THSD4: variants seen among roughly 807,000 people sequenced by gnomAD.
The protein encoded by THSD4 is thrombospondin type 1 domain containing 4.
In THSD4, 69 loss-of-function variants were observed where a neutral mutation model predicts 119.0. The observed-to-expected ratio is 0.58, with a 90% CI of 0.48 to 0.71. The LOEUF (loss-of-function observed/expected upper bound fraction) is 0.71. THSD4 is among the 30% of genes least tolerant of loss of function. The pLI is 0.00. For synonymous variants in THSD4, 524 were observed against 540.4 expected (o/e 0.97, Z 0.42); for missense variants, 1,393 against 1,391.1 (o/e 1.00, Z -0.02).
At chr15:71,331,234 G>A (rs1056114246) in intron 6 of THSD4, among the ~76,000 whole-genome samples, 5 of 152,154 alleles carry the variant, frequency 3.3e-5, no homozygotes, top group African/African-American at 1.2e-4. Context: ...GCCCTTCCTC[G>A]TACTTCTTCT....
At chr15:71,567,655 C>T (rs1328656027) in intron 7 of THSD4, among the ~76,000 whole-genome samples, 3 of 150,600 alleles carry the variant, frequency 2.0e-5, no homozygotes, top group South Asian at 2.1e-4. Flanking sequence ...TAGCAAACTG[C>T]CTTCAGGAGC....
intron 8 of THSD4, among the ~76,000 whole-genome samples, chr15:71,717,884 T>TA (rs2141105892): frequency 6.6e-6 from 1 of 152,238 alleles, no homozygotes; most frequent in East Asian, 1.9e-4. Context: ...CGCAGTGGCT[T>TA]ATGCCTGTAA....
intron 7 of THSD4, among the ~76,000 whole-genome samples, chr15:71,458,398 C>G (rs2047369506): frequency 6.6e-6 from 1 of 152,172 alleles, no homozygotes; most frequent in Non-Finnish European, 1.5e-5. Flanking sequence ...TCAAAGGCAA[C>G]ATACTTCCCT....
chr15:71,521,838 C>T (rs1162150969), intron 7 of THSD4, among the ~76,000 whole-genome samples: 3 of 152,154 alleles, frequency 2.0e-5, no homozygotes, highest in Admixed American at 6.5e-5. Context: ...GTGCCTACTG[C>T]GTTTCAGACT....
At chr15:71,747,643 A>G (rs1468948277) in intron 13 of THSD4, among the ~76,000 whole-genome samples, 1 of 152,250 alleles carries the variant, frequency 6.6e-6, no homozygotes, top group Admixed American at 6.5e-5. Flanking sequence ...CACTGGCTAC[A>G]GATGACGACA....
intron 7 of THSD4, among the ~76,000 whole-genome samples, chr15:71,598,431 A>C (rs1206006791): frequency 1.3e-5 from 2 of 152,148 alleles, no homozygotes. Context: ...GGTATACGTG[A>C]TATCAAGTAT....
At chr15:71,509,530 G>A (rs969642208) in intron 7 of THSD4, among the ~76,000 whole-genome samples, 1 of 152,184 alleles carries the variant, frequency 6.6e-6, no homozygotes. Context: ...GTTATACAAT[G>A]GTAGATGAGC....
At chr15:71,214,137 A>C (rs1319438202) in intron 3 of THSD4, among the ~76,000 whole-genome samples, 4 of 152,168 alleles carry the variant, frequency 2.6e-5, no homozygotes, top group African/African-American at 9.7e-5. Flanking sequence ...AGAGGATTGT[A>C]TATGCACCAA....
intron 6 of THSD4, among the ~76,000 whole-genome samples, chr15:71,374,654 A>G (rs1352565897): frequency 6.6e-6 from 1 of 152,196 alleles, no homozygotes; most frequent in African/African-American, 2.4e-5. Flanking sequence ...GAGGGTGAGC[A>G]ATGGCCCTGA....
intron 15 of THSD4, among the ~76,000 whole-genome samples, chr15:71,763,083 T>C (rs965146189): frequency 1.3e-5 from 2 of 151,970 alleles, no homozygotes; most frequent in South Asian, 4.1e-4. Context: ...AAAAAAAATT[T>C]TTTTTTAGTA....
intron 7 of THSD4, among the ~76,000 whole-genome samples, chr15:71,587,787 T>TCAA: frequency 9.5e-6 from 1 of 105,554 alleles, no homozygotes; most frequent in Non-Finnish European, 1.9e-5. Context: ...AAAAAAAAAT[T>TCAA]AAAAAAAAAA....
At chr15:71,700,074 A>G (rs2052253385) in intron 8 of THSD4, among the ~76,000 whole-genome samples, 1 of 152,224 alleles carries the variant, frequency 6.6e-6, no homozygotes, top group Non-Finnish European at 1.5e-5. Flanking sequence ...ACTCAATATC[A>G]CTATGAAGGT....
At chr15:71,608,237 A>AAATAT (rs537013275) in intron 7 of THSD4, among the ~76,000 whole-genome samples, 2,694 of 111,426 alleles carry the variant, frequency 0.024, 84 homozygotes, top group East Asian at 0.13. Flanking sequence ...AAAAAAAAAA[A>AAATAT]ATATATATAT....
At chr15:71,288,194 T>G (rs2044743923) in intron 6 of THSD4, among the ~76,000 whole-genome samples, 1 of 152,130 alleles carries the variant, frequency 6.6e-6, no homozygotes, top group Admixed American at 6.5e-5. Flanking sequence ...AATGAACCAG[T>G]CCACAGTAAA....
Position 71,563,402 on chromosome 15 carries a change from T to C in THSD4, c.1153-97128T>C, listed in dbSNP as rs117712608. Among the ~76,000 whole-genome samples, 79 of 152,250 alleles carry C rather than the reference T, an allele frequency of 5.2e-4. No homozygotes were observed. In the East Asian group the frequency reaches 0.015, roughly 29 times the overall value. On this transcript the variant is annotated intron_variant, in intron 7 of 17. Transcript: ENST00000261862. ...GCTCTGAAAACCTATCCAAAGGCAA[T>C]TAAAATCACAAATATCATTGAAAAC...
Position 71,763,864 on chromosome 15 carries a change from A to G in THSD4, c.2590-1156A>G, listed in dbSNP as rs570195129. ...CAGATCATTTGGGTTCAGGAGTTCA[A>G]GACCAGCCTGGGCAACATGGCAAAA... On this transcript the variant is annotated intron_variant, in intron 15 of 17. Coordinates refer to ENST00000261862, the MANE Select transcript of THSD4 (RefSeq NM_024817.3). Among the ~76,000 whole-genome samples the G allele has an allele frequency of 3.3e-5, 5 of 152,304 alleles. No individual in the cohort carries two copies. The South Asian group carries it at 6.2e-4, about 19-fold the overall frequency.
At chr15:71,316,793 G>A (rs1005953140) in intron 6 of THSD4, among the ~76,000 whole-genome samples, 1 of 152,198 alleles carries the variant, frequency 6.6e-6, no homozygotes. Context: ...GGAGTTCTGA[G>A]AACACAAATG....
chr15:71,380,791 G>A (rs1459678236), intron 6 of THSD4, among the ~76,000 whole-genome samples: 1 of 152,140 alleles, frequency 6.6e-6, no homozygotes, highest in Non-Finnish European at 1.5e-5. Flanking sequence ...AACACAGATT[G>A]GAAACTTTGA....
rs1555458973 is a variant in THSD4 at position 71,263,331 on chromosome 15, G to GTGTATATA, written c.1015+6617_1015+6618insGTATATAT. Among the ~76,000 whole-genome samples, 46 of 138,896 alleles carry GTGTATATA rather than the reference G, an allele frequency of 3.3e-4. No individual in the cohort carries two copies. The East Asian group carries it at 6.6e-3, about 20-fold the overall frequency. The allele number at this position is 138,896 out of a possible 152,430, so 91.1% of individuals were successfully genotyped here. ...TTTTATGGCTGCATAGTATTCCATG[G>GTGTATATA]TATATATATATATATACGACATTTT... is the stretch of plus-strand genomic sequence containing the variant. On this transcript the variant is annotated intron_variant, in intron 6 of 17. Coordinates refer to ENST00000261862, the MANE Select transcript of THSD4 (RefSeq NM_024817.3).
Sources: allele counts gnomAD v4.1 joint callset (sites outside exome capture counted in the v4.1 genomes callset), GRCh38; gene constraint gnomAD v4.1.1; transcripts MANE v1.5; gene names NCBI Gene and HGNC (gene_info 2026-07-23, HGNC 2026-07-21).